NUDT9: variants seen among roughly 807,000 people sequenced by gnomAD.
NUDT9 encodes nudix hydrolase 9, also known as ADP-ribose pyrophosphatase.
Under a neutral mutation model 41.0 loss-of-function variants are expected in NUDT9, and 31 were observed. The ratio of observed to expected loss-of-function variants is 0.76; its 90% confidence interval spans 0.57 to 1.02. The LOEUF (loss-of-function observed/expected upper bound fraction) is 1.02, where lower values mean the gene tolerates loss of function less well. Ranked by LOEUF, NUDT9 falls within the 50% of genes least tolerant of loss-of-function variation. The pLI, the probability that NUDT9 is intolerant of heterozygous loss-of-function variation, is 0.00. For missense variants in NUDT9, 380 were observed against 431.4 expected (o/e 0.88, Z 1.06); for synonymous variants, 146 against 147.6 (o/e 0.99, Z 0.08).
chr4:87,444,004 A>C (rs1193644749), intron 4 of NUDT9, among the ~76,000 whole-genome samples: 1 of 152,196 alleles, frequency 6.6e-6, no homozygotes, highest in East Asian at 1.9e-4. Flanking sequence ...TAAGAAGGTC[A>C]GTGAATCTAA....
chr4:87,424,345 C>T (rs1252707439), intron 1 of NUDT9, among the ~76,000 whole-genome samples: 5 of 149,532 alleles, frequency 3.3e-5, no homozygotes, highest in Admixed American at 6.7e-5. Flanking sequence ...CTGCAACTTC[C>T]GCCTCCTGGG....
intron 2 of NUDT9, among the ~76,000 whole-genome samples, chr4:87,437,265 A>AG (rs540385706): frequency 2.1e-4 from 28 of 134,720 alleles, no homozygotes; most frequent in Non-Finnish European, 4.1e-4. Flanking sequence ...AAAAAAAAAA[A>AG]AAAGAAAGAA....
At chr4:87,436,386 C>T (rs942304320) in intron 2 of NUDT9, among the ~76,000 whole-genome samples, 6 of 152,184 alleles carry the variant, frequency 3.9e-5, no homozygotes, top group Non-Finnish European at 5.9e-5. Flanking sequence ...TCATAGCTCA[C>T]TGCAGCCTTG....
chr4:87,434,838 T>C, intron 1 of NUDT9, 143 bp from the exon 2 acceptor site: 1 of 651,368 alleles, frequency 1.5e-6, no homozygotes. Context: ...AGGCTGGTCT[T>C]GAACCCCTAA....
Position 87,441,775 on chromosome 4 carries a change from A to G in NUDT9, c.444-54A>G. On this transcript the variant is annotated intron_variant, in intron 3 of 7. Coordinates refer to ENST00000302174, the MANE Select transcript of NUDT9 (RefSeq NM_024047.5). Reference sequence around the variant, plus strand: ...CTCTTCTTTTGGGTTATATCAAATCAGGTTAAAAAGATGAACACATTCAAT... The same window carrying G: ...CTCTTCTTTTGGGTTATATCAAATCGGGTTAAAAAGATGAACACATTCAAT... 4.4e-6 allele frequency: 6 copies of G among 1,378,456 alleles called. 1 individual carries two copies. In the South Asian group the frequency reaches 6.1e-5, roughly 14 times the overall value. The allele number at this position is 1,378,456 out of a possible 1,614,324, so 85.4% of individuals were successfully genotyped here. A position where few individuals can be genotyped will look rare whatever the true frequency, so the allele number is the denominator to read the frequency against.
At chr4:87,428,906 C>CAAAA (rs1406428814) in intron 1 of NUDT9, among the ~76,000 whole-genome samples, 1 of 152,132 alleles carries the variant, frequency 6.6e-6, no homozygotes, top group Non-Finnish European at 1.5e-5. Context: ...CTTCATCACC[C>CAAAA]AAAGTCCTGT....
At chr4:87,435,407 G>T (rs972506444) in intron 2 of NUDT9, among the ~76,000 whole-genome samples, 187 bp downstream of exon 2, 1 of 152,070 alleles carries the variant, frequency 6.6e-6, no homozygotes. Flanking sequence ...ATTCTTTTGG[G>T]GGTTTTATGA....
In NUDT9 at chr4:87,441,994, T is replaced by C. The variant is rs1722222896; in HGVS notation, c.530+79T>C. On this transcript the variant is annotated intron_variant, in intron 4 of 7. Transcript: ENST00000302174. ...TGCAGACTGTAGCTATGTTTGTGTA[T>C]ATATGTATACCTGTGTGTATATACA... is the stretch of plus-strand genomic sequence containing the variant. 6 of 923,154 alleles carry C rather than the reference T, an allele frequency of 6.5e-6. No homozygotes were observed. In the South Asian group the frequency reaches 1.0e-4, roughly 16 times the overall value. 57.2% of individuals were successfully genotyped at this position (923,154 alleles called of 1,614,324 possible).
chr4:87,433,077 G>T (rs1232756836), intron 1 of NUDT9, among the ~76,000 whole-genome samples: 1 of 152,240 alleles, frequency 6.6e-6, no homozygotes, highest in South Asian at 2.1e-4. Context: ...TATTGGTGTT[G>T]ATTCTTCTTT....
chr4:87,438,340 T>C lies in NUDT9; in HGVS notation c.411T>C (p.Asn137=). 1 of 1,611,150 alleles carries C rather than the reference T, an allele frequency of 6.2e-7. No homozygotes were observed. Among genetic ancestry groups the C allele is most frequent in the East Asian group, 2.2e-5 (1 of 44,782 alleles). Residue 137 remains asparagine, a synonymous_variant, in exon 3 of 8, where the codon AAT becomes AAC. Coordinates refer to ENST00000302174, the MANE Select transcript of NUDT9 (RefSeq NM_024047.5). ...KDGHVERKSK[N]GLYEIENGRP... ...GGCATGTTGAGAGAAAGAGCAAGAA[T>C]GGCCTGTATGAGATTGAAAATGGAA...
intron 1 of NUDT9, among the ~76,000 whole-genome samples, 178 bp downstream of exon 1, chr4:87,423,190 G>A (rs1578061386): frequency 6.6e-6 from 1 of 152,172 alleles, no homozygotes; most frequent in South Asian, 2.1e-4. Context: ...GAAAACGAGT[G>A]GCAGGGACCC....
chr4:87,440,911 A>G (rs1282195476), intron 3 of NUDT9, among the ~76,000 whole-genome samples: 1 of 152,160 alleles, frequency 6.6e-6, no homozygotes, highest in Non-Finnish European at 1.5e-5. Flanking sequence ...GTGAATTTGG[A>G]AAGAATTATT....
At chr4:87,447,087 C>T (rs1280349813) in intron 4 of NUDT9, among the ~76,000 whole-genome samples, 3 of 152,180 alleles carry the variant, frequency 2.0e-5, no homozygotes, top group Non-Finnish European at 4.4e-5. Flanking sequence ...GCCTGTTGCC[C>T]ACTTTTCTGG....
At chr4:87,454,265 G>A in intron 6 of NUDT9, 106 bp from the exon 7 acceptor site, 3 of 661,496 alleles carry the variant, frequency 4.5e-6, no homozygotes, top group Non-Finnish European at 2.8e-6. Flanking sequence ...TGTTCATGTT[G>A]TTGGGCAACA....
chr4:87,424,381 T>A (rs1721311867), intron 1 of NUDT9, among the ~76,000 whole-genome samples: 1 of 149,682 alleles, frequency 6.7e-6, no homozygotes, highest in South Asian at 2.2e-4. Flanking sequence ...TGCCTCAGCC[T>A]CTTGAGTAGC....
rs543136021 is a variant in NUDT9, at chr4:87,457,499, AT to A, written c.875-337del. ...TGATCTACCCGCCTCAGCTTTGTTTATTTTTTTACATTTAAATCTCTCATCC... is the reference window on the plus strand; with the variant it reads ...TGATCTACCCGCCTCAGCTTTGTTTATTTTTTACATTTAAATCTCTCATCC... On this transcript the variant is annotated intron_variant, in intron 7 of 7. Transcript: ENST00000302174. 1.6e-3 allele frequency among the ~76,000 whole-genome samples: 238 copies of A among 151,976 alleles called. 1 individual carries two copies. Among genetic ancestry groups the A allele is most frequent in the African/African-American group, 5.6e-3 (233 of 41,462 alleles).
At position 87,435,107 on chromosome 4, in the gene NUDT9, C is replaced by T; in HGVS notation, c.234C>T (p.Ser78=). The change falls in exon 2 of 8, where the codon AGC becomes AGT. Residue 78 remains serine, a synonymous_variant. Coordinates refer to ENST00000302174, the MANE Select transcript of NUDT9 (RefSeq NM_024047.5). The part of the protein sequence containing the change: ...SPYPGSKVER[S]QVPNEKVGWL... ...ACCCAGGTTCAAAAGTTGAACGAAG[C>T]CAGGTTCCTAATGAGAAAGTGGGCT... 2 of 1,614,130 alleles carry T rather than the reference C, an allele frequency of 1.2e-6. No homozygotes were observed. Among genetic ancestry groups the T allele is most frequent in the Non-Finnish European group, 1.7e-6 (2 of 1,180,014 alleles).
intron 1 of NUDT9, among the ~76,000 whole-genome samples, chr4:87,425,391 CT>C (rs70957241): frequency 0.032 from 3,680 of 116,636 alleles, 50 homozygotes; most frequent in African/African-American, 0.06. Flanking sequence ...TGTTCTTTTC[CT>C]TTTTTTTTTT....
chr4:87,428,394 T>C (rs1049705148), intron 1 of NUDT9, among the ~76,000 whole-genome samples: 7 of 152,194 alleles, frequency 4.6e-5, no homozygotes, highest in East Asian at 1.9e-4. Flanking sequence ...CCCAAATGAA[T>C]TGAAAATTTA....
Sources: allele counts gnomAD v4.1 joint callset (sites outside exome capture counted in the v4.1 genomes callset), GRCh38; gene constraint gnomAD v4.1.1; transcripts MANE v1.5; gene names NCBI Gene and HGNC (gene_info 2026-07-23, HGNC 2026-07-21).